Variants in AFF2 observed in about 807,000 individuals in gnomAD.
AFF2 encodes the protein AF4/FMR2 family member 2.
In AFF2, 14 loss-of-function variants were observed where a neutral mutation model predicts 76.9. The observed-to-expected ratio is 0.18, with a 90% CI of 0.12 to 0.28. The LOEUF (loss-of-function observed/expected upper bound fraction) is 0.28, where lower values mean the gene tolerates loss of function less well. Among genes scored for constraint, AFF2 ranks in the 10% least tolerant of loss-of-function variants. The probability of loss-of-function intolerance (pLI) is 1.00; values close to 1 mark genes in which losing one functional copy is unlikely to be tolerated. For missense variants in AFF2, 868 were observed against 1,001.1 expected (o/e 0.87, Z 1.79); for synonymous variants, 398 against 366.7 (o/e 1.09, Z -0.98).
In AFF2 at chrX:148,580,828, TAAC is replaced by T. The variant is rs201601943; in HGVS notation, c.48-71168_48-71166del. Reference sequence around the variant, plus strand: ...AAATAATTGTACTTCTTAATGTAAATAACAAATCAATTTTATACTATTATTACA... The same window carrying T: ...AAATAATTGTACTTCTTAATGTAAATAAATCAATTTTATACTATTATTACA... On this transcript the variant is annotated intron_variant, in intron 1 of 20. Coordinates refer to ENST00000370460, the MANE Select transcript of AFF2 (RefSeq NM_002025.4). Among the ~76,000 whole-genome samples, 195 of 108,260 alleles carry T rather than the reference TAAC, an allele frequency of 1.8e-3. 1 individual carries two copies. The highest frequency in any genetic ancestry group is 6.4e-3 in the African/African-American group (191 of 29,840). The allele number at this position is 108,260 out of a possible 115,157, so 94.0% of individuals were successfully genotyped here. A position where few individuals can be genotyped will look rare whatever the true frequency, so the allele number is the denominator to read the frequency against.
At chrX:148,970,548 C>G (rs1398447627) in intron 15 of AFF2, among the ~76,000 whole-genome samples, 2 of 112,133 alleles carry the variant, frequency 1.8e-5, no homozygotes, top group African/African-American at 6.5e-5. Context: ...TTATAAAATA[C>G]TCACTATAAA....
At chrX:148,885,312 A>G (rs1469806040) in intron 7 of AFF2, among the ~76,000 whole-genome samples, 3 of 111,832 alleles carry the variant, frequency 2.7e-5, no homozygotes, top group African/African-American at 9.8e-5. Flanking sequence ...CAAATTTTAC[A>G]GGAAGAGATC....
intron 1 of AFF2, among the ~76,000 whole-genome samples, chrX:148,600,765 C>T (rs1229950804): frequency 4.5e-5 from 5 of 112,154 alleles, no homozygotes; most frequent in Admixed American, 1.9e-4. Flanking sequence ...AGATGCCTGC[C>T]GCCCCCAAAC....
At chrX:148,918,724 C>G (rs1569557084) in intron 9 of AFF2, among the ~76,000 whole-genome samples, 1 of 111,730 alleles carries the variant, frequency 9.0e-6, no homozygotes, top group Non-Finnish European at 1.9e-5. Flanking sequence ...TCTGCGAACT[C>G]TGGTGACCTT....
chrX:148,928,295 T>C (rs1557284025), intron 9 of AFF2, among the ~76,000 whole-genome samples: 2 of 112,237 alleles, frequency 1.8e-5, no homozygotes, highest in African/African-American at 6.5e-5. Context: ...GCAAACCAAT[T>C]TGTGGTTATA....
At chrX:148,852,601 A>C (rs1557275498) in intron 7 of AFF2, among the ~76,000 whole-genome samples, 1 of 111,507 alleles carries the variant, frequency 9.0e-6, no homozygotes, top group African/African-American at 3.3e-5. Context: ...AAAGAAACGA[A>C]GAAAACAATC....
At position 148,661,935 on chromosome X, in the gene AFF2, C is replaced by T; in HGVS notation, c.208C>T (p.Arg70Ter). Residue 70 changes from arginine (R) to a stop codon, truncating the protein, a stop_gained, in exon 3 of 21, where the codon CGA (arginine) becomes TGA (stop). Transcript: ENST00000370460. LOFTEE classifies it high-confidence loss of function. The stretch of plus-strand genomic sequence containing the variant: ...AAACAAAGGTGATGCACTTGCCAAC[C>T]GAGTCCAGAACACGCTTGGAAACTA... Reference protein sequence around the residue: ...YTNKGDALANRVQNTLGNYDE... With the variant: ...YTNKGDALAN 3 of 1,204,704 alleles carry T rather than the reference C, an allele frequency of 2.5e-6. No homozygotes were observed. The highest frequency in any genetic ancestry group is 3.4e-6 in the Non-Finnish European group (3 of 890,928).
intron 9 of AFF2, among the ~76,000 whole-genome samples, chrX:148,934,598 A>T (rs1372927008): frequency 8.9e-6 from 1 of 112,364 alleles, no homozygotes; most frequent in African/African-American, 3.2e-5. Flanking sequence ...GTAGTAAAAG[A>T]TCATACAGCC....
chrX:148,973,433 A>G (rs2072283567), intron 15 of AFF2, 38 bp from the exon 16 acceptor site: 2 of 1,203,234 alleles, frequency 1.7e-6, no homozygotes, highest in African/African-American at 3.5e-5. Flanking sequence ...AGGAGAAAAC[A>G]GAGAGTATTA....
rs1237283278 is a variant in AFF2 at position 148,704,395 on chromosome X, GAT to G, written c.1041+41634_1041+41635del. Among the ~76,000 whole-genome samples the G allele has an allele frequency of 2.0e-4, 3 of 14,788 alleles. 1 individual carries two copies. Among genetic ancestry groups the G allele is most frequent in the Non-Finnish European group, 3.7e-4 (3 of 8,045 alleles). The allele number at this position is 14,788 out of a possible 115,157, so 12.8% of individuals were successfully genotyped here. ...ATATATATATTTATATATATGTGTA[GAT>G]ATATATTTATATATATGTGTAGATA... is the stretch of plus-strand genomic sequence containing the variant. On this transcript the variant is annotated intron_variant, in intron 3 of 20. Coordinates refer to ENST00000370460, the MANE Select transcript of AFF2 (RefSeq NM_002025.4).
intron 3 of AFF2, among the ~76,000 whole-genome samples, chrX:148,779,553 A>G (rs2069713272): frequency 9.1e-6 from 1 of 109,975 alleles, no homozygotes. Context: ...TATATTTAGG[A>G]TAGTTAGCTC....
chrX:148,819,822 G>T (rs782096136), intron 4 of AFF2, among the ~76,000 whole-genome samples: 11 of 111,830 alleles, frequency 9.8e-5, no homozygotes, highest in African/African-American at 3.6e-4. Flanking sequence ...TATGTGTGAT[G>T]TGAGGTATAG....
chrX:148,980,933 G>T, intron 19 of AFF2, 143 bp downstream of exon 19: 1 of 367,113 alleles, frequency 2.7e-6, no homozygotes, highest in East Asian at 4.8e-5. Flanking sequence ...CCAGGCTTCG[G>T]CTAATGGCAA....
intron 7 of AFF2, among the ~76,000 whole-genome samples, chrX:148,865,680 G>A (rs1345384682): frequency 8.9e-6 from 1 of 112,107 alleles, no homozygotes; most frequent in Non-Finnish European, 1.9e-5. Context: ...TTTAAAAAAT[G>A]AGGCAGAGTG....
rs781861179 is a variant in AFF2, at chrX:148,754,045, C to T, written c.1042-55831C>T. Among the ~76,000 whole-genome samples, 124 of 111,437 alleles carry T rather than the reference C, an allele frequency of 1.1e-3. 1 individual carries two copies. Among genetic ancestry groups the T allele is most frequent in the Admixed American group, 5.4e-3 (56 of 10,454 alleles). ...AGTGGGGGTTTGATCAAGAGCTTCC[C>T]ATCCAATCAATCATGGCTATGATCA... is the stretch of plus-strand genomic sequence containing the variant. On this transcript the variant is annotated intron_variant, in intron 3 of 20. Coordinates refer to ENST00000370460, the MANE Select transcript of AFF2 (RefSeq NM_002025.4).
chrX:148,785,500 T>C, intron 3 of AFF2, among the ~76,000 whole-genome samples: 2 of 112,021 alleles, frequency 1.8e-5, no homozygotes, highest in Middle Eastern at 9.1e-3. Context: ...AGTAACAGCC[T>C]TCCTGGCTAC....
chrX:148,563,083 A>G (rs1015962032), intron 1 of AFF2, among the ~76,000 whole-genome samples: 7 of 107,729 alleles, frequency 6.5e-5, no homozygotes, highest in Non-Finnish European at 1.2e-4. Context: ...TTGGGGAAGC[A>G]TTTCAAGGAG....
At chrX:148,691,092 A>G (rs1449741440) in intron 3 of AFF2, among the ~76,000 whole-genome samples, 1 of 112,026 alleles carries the variant, frequency 8.9e-6, no homozygotes, top group Non-Finnish European at 1.9e-5. Flanking sequence ...GGACATTCAT[A>G]TATGAATTGG....
chrX:148,713,517 C>T (rs1385869610), intron 3 of AFF2, among the ~76,000 whole-genome samples: 1 of 111,938 alleles, frequency 8.9e-6, no homozygotes, highest in African/African-American at 3.2e-5. Flanking sequence ...AAATAATTAG[C>T]AATAAATTTT....
Sources: gnomAD v4.1 joint callset for allele counts (sites outside exome capture counted in the v4.1 genomes callset) on GRCh38, gnomAD v4.1.1 for gene constraint, MANE v1.5 for transcripts, NCBI Gene and HGNC (gene_info 2026-07-23, HGNC 2026-07-21) for gene names.